CLEC10A: variants seen among roughly 807,000 people sequenced by gnomAD.
The protein encoded by CLEC10A is C-type lectin domain containing 10A.
A neutral mutation model predicts 42.0 loss-of-function variants in CLEC10A; 38 were observed. The ratio of observed to expected loss-of-function variants is 0.90; its 90% confidence interval spans 0.70 to 1.18. The LOEUF is 1.18. Ranked by LOEUF, CLEC10A falls within the 50% of genes most tolerant of loss-of-function variation. The pLI, the probability that CLEC10A is intolerant of heterozygous loss-of-function variation, is 0.00. For synonymous variants in CLEC10A, 126 were observed against 139.9 expected, an observed-to-expected ratio of 0.90 and a Z score of 0.70; for missense variants, 298 against 345.9, an observed-to-expected ratio of 0.86 and a Z score of 1.10.
Position 7,075,110 on chromosome 17 carries a change from G to T in CLEC10A, c.814C>A (p.Pro272Thr). The T allele has an allele frequency of 3.1e-6, 5 of 1,607,568 alleles. 1 individual carries two copies. In the Middle Eastern group the frequency reaches 6.7e-4, roughly 215 times the overall value. Reference protein sequence around the residue: ...GRWNDDVCQRPYHWVCEAGLG... With the variant: ...GRWNDDVCQRTYHWVCEAGLG... ...CCAGCCTCGCAGACCCAGTGGTAGG[G>T]CCTCTGGCAGACGTCGTCATTCCAC... Residue 272 changes from proline to threonine, a missense_variant, in exon 9 of 9, where the codon CCC becomes ACC. By Grantham distance (38) the Pro-to-Thr change is conservative. Around this residue, in one of 3 missense-constraint regions of CLEC10A, gnomAD observed 267 missense variants for 289.5 expected, o/e 0.92. Coordinates refer to ENST00000416562, the MANE Select transcript of CLEC10A (RefSeq NM_001330070.2).
intron 5 of CLEC10A, among the ~76,000 whole-genome samples, chr17:7,076,507 T>A (rs1911760619): frequency 6.6e-6 from 1 of 150,710 alleles, no homozygotes; most frequent in Non-Finnish European, 1.5e-5. Flanking sequence ...AGAGACGGGG[T>A]TTCACCATGT....
chr17:7,075,249 A>G lies in CLEC10A; in HGVS notation c.702-27T>C, dbSNP rs1911654601. ...TGAGAGGAAAAGACAACAGCAAGCT[A>G]GGAAGGGTAGATGGAGTAGAATTCA... On this transcript the variant is annotated intron_variant, in intron 8 of 8. Coordinates refer to ENST00000416562, the MANE Select transcript of CLEC10A (RefSeq NM_001330070.2). The G allele has an allele frequency of 3.3e-6, 5 of 1,516,856 alleles. No homozygotes were observed. The South Asian group carries it at 4.0e-5, about 12-fold the overall frequency. The allele number at this position is 1,516,856 out of a possible 1,614,324, so 94.0% of individuals were successfully genotyped here. A position where few individuals can be genotyped will look rare whatever the true frequency, so the allele number is the denominator to read the frequency against.
At position 7,075,742 on chromosome 17, in the gene CLEC10A, T is replaced by C. The variant is rs1180567788; in HGVS notation, c.583A>G (p.Arg195Gly). Residue 195 changes from arginine to glycine, a missense_variant, in exon 7 of 9, where the codon AGG becomes GGG. Transcript: ENST00000416562. The stretch of plus-strand genomic sequence containing the variant: ...CCAGAAGCCCTCACCTGCTCCTCCC[T>C]GGAGTTGATGACCACCAGGTGGGCG... ...KNAHLVVINS[R>G]EEQNFVQKYL... 1 of 1,614,106 alleles carries C rather than the reference T, an allele frequency of 6.2e-7. No individual in the cohort carries two copies. The highest frequency in any genetic ancestry group is 1.1e-5 in the South Asian group (1 of 91,096).
Position 7,078,040 on chromosome 17 carries a change from G to A in CLEC10A, c.141C>T (p.Leu47=), listed in dbSNP as rs766227084. The change falls in exon 3 of 9, where the codon CTC becomes CTT. Residue 47 remains leucine, a synonymous_variant. Coordinates refer to ENST00000416562, the MANE Select transcript of CLEC10A (RefSeq NM_001330070.2). ...GPCHLLLSLG[L]GLLLLVIICV... ...AGATGATGACCAGCAGCAGGAGGCCGAGGCCCAGGGACAGCAGGAGATGGC... is the reference window on the plus strand; with the variant it reads ...AGATGATGACCAGCAGCAGGAGGCCAAGGCCCAGGGACAGCAGGAGATGGC... The A allele has an allele frequency of 2.0e-5, 32 of 1,613,884 alleles. No individual in the cohort carries two copies. Among genetic ancestry groups the A allele is most frequent in the Admixed American group, 5.0e-5 (3 of 60,002 alleles).
intron 3 of CLEC10A, among the ~76,000 whole-genome samples, chr17:7,077,774 C>CCCTCTCCTCCCTT (rs1190789222): frequency 6.6e-6 from 1 of 151,720 alleles, no homozygotes; most frequent in Non-Finnish European, 1.5e-5. Flanking sequence ...TCCATCAGTG[C>CCCTCTCCTCCCTT]CCCATCAGTG....
chr17:7,074,757 G>A lies in CLEC10A; in HGVS notation c.*297C>T. ...AATGTTATCTATTGCGATCGGAGTGGTAGTCACCTAGGCATGCATATTTGT... is the reference window on the plus strand; with the variant it reads ...AATGTTATCTATTGCGATCGGAGTGATAGTCACCTAGGCATGCATATTTGT... On this transcript the variant is annotated 3_prime_UTR_variant, in exon 9 of 9. Coordinates refer to ENST00000416562, the MANE Select transcript of CLEC10A (RefSeq NM_001330070.2). 4.2e-6 allele frequency: 1 copy of A among 235,390 alleles called. No individual in the cohort carries two copies. Among genetic ancestry groups the A allele is most frequent in the East Asian group, 8.4e-5 (1 of 11,954 alleles). 14.6% of individuals were successfully genotyped at this position (235,390 alleles called of 1,614,324 possible).
Position 7,075,197 on chromosome 17 carries a change from C to G in CLEC10A, c.727G>C (p.Asp243His). 6.4e-7 allele frequency: 1 copy of G among 1,558,410 alleles called. No homozygotes were observed. The highest frequency in any genetic ancestry group is 8.7e-7 in the Non-Finnish European group (1 of 1,155,830). Reference sequence around the variant, plus strand: ...CCACCCAGCCCGTGCCCCTGCCAGTCGTCTGGCTGGCCTGGCTTCCAGTTC... The same window carrying G: ...CCACCCAGCCCGTGCCCCTGCCAGTGGTCTGGCTGGCCTGGCTTCCAGTTC... Reference protein sequence around the residue: ...FQNWKPGQPDDWQGHGLGGGE... With the variant: ...FQNWKPGQPDHWQGHGLGGGE... The change falls in exon 9 of 9, where the codon GAC becomes CAC. Residue 243 changes from aspartate to histidine, a missense_variant. Coordinates refer to ENST00000416562, the MANE Select transcript of CLEC10A (RefSeq NM_001330070.2).
Position 7,076,796 on chromosome 17 carries a change from A to T in CLEC10A, c.289T>A (p.Leu97Met). ...TTCAGAGATGCTATCGTTTCTTCCA[A>T]GCTGCTGCCTGGAGGACACGGAGAC... ...IQALTSQGSS[L>M]EETIASLKAE... The change falls in exon 5 of 9, where the codon TTG becomes ATG. Residue 97 changes from leucine to methionine, a missense_variant. Physicochemically the swap from Leu to Met is conservative, Grantham distance 15 (BLOSUM62 2). Transcript: ENST00000416562. 1 of 1,613,684 alleles carries T rather than the reference A, an allele frequency of 6.2e-7. No individual in the cohort carries two copies.
chr17:7,075,966 C>A lies in CLEC10A; in HGVS notation c.439+19G>T. 6.2e-7 allele frequency: 1 copy of A among 1,613,956 alleles called. No homozygotes were observed. The highest frequency in any genetic ancestry group is 8.5e-7 in the Non-Finnish European group (1 of 1,179,856). On this transcript the variant is annotated intron_variant, in intron 6 of 8. Transcript: ENST00000416562. ...ATGGGCAGAAAAGTAGGGCCAGGTA[C>A]TCCCCATACCTTCCTCACCATTGTT...
intron 1 of CLEC10A, 22 bp from the exon 2 acceptor site, chr17:7,078,907 C>T (rs1912019763): frequency 5.0e-6 from 6 of 1,189,906 alleles, no homozygotes; most frequent in South Asian, 1.2e-5. Context: ...GAGGTTGGGA[C>T]TAAGTTGGAG....
intron 1 of CLEC10A, 124 bp from the exon 2 acceptor site, chr17:7,079,009 G>C: frequency 1.6e-6 from 1 of 611,148 alleles, no homozygotes; most frequent in Non-Finnish European, 2.9e-6. Flanking sequence ...GTTTGCAGTC[G>C]AGTTAGAATT....
intron 5 of CLEC10A, among the ~76,000 whole-genome samples, chr17:7,076,374 G>A (rs1480906988): frequency 2.8e-5 from 4 of 144,696 alleles, no homozygotes; most frequent in African/African-American, 5.2e-5. Context: ...GCAATGGCGC[G>A]ATCTCGGCTC....
intron 8 of CLEC10A, 35 bp from the exon 9 acceptor site, chr17:7,075,257 T>C (rs1597357083): frequency 6.6e-7 from 1 of 1,508,862 alleles, no homozygotes. Context: ...CTAGGAAGGG[T>C]AGATGGAGTA....
Position 7,076,016 on chromosome 17 carries a change from C to T in CLEC10A, c.408G>A (p.Leu136=). ...VQQLVQDLKK[L]TCQVATLNNN... The stretch of plus-strand genomic sequence containing the variant: ...TGTTGAGAGTAGCCACCTGGCAGGT[C>T]AGTTTCTTCAGGTCTTGCACCAGCT... The change falls in exon 6 of 9, where the codon CTG becomes CTA. Residue 136 remains leucine (L), a synonymous_variant. Coordinates refer to ENST00000416562, the MANE Select transcript of CLEC10A (RefSeq NM_001330070.2). 1 of 1,614,232 alleles carries T rather than the reference C, an allele frequency of 6.2e-7. No homozygotes were observed. Among genetic ancestry groups the T allele is most frequent in the Non-Finnish European group, 8.5e-7 (1 of 1,180,030 alleles).
chr17:7,077,087 C>T (rs866026416), intron 3 of CLEC10A, 100 bp from the exon 4 acceptor site: 34 of 817,118 alleles, frequency 4.2e-5, no homozygotes, highest in South Asian at 5.6e-5. Context: ...TGGGTCCTCA[C>T]GGCAACCCAG....
At chr17:7,077,217 T>C (rs1911812361) in intron 3 of CLEC10A, among the ~76,000 whole-genome samples, 1 of 146,000 alleles carries the variant, frequency 6.8e-6, no homozygotes, top group African/African-American at 2.6e-5. Context: ...ATCCTGACTA[T>C]GGGTCCGTCA....
Position 7,075,357 on chromosome 17 carries a change from C to T in CLEC10A, c.701+3G>A, listed in dbSNP as rs1238332174. The T allele has an allele frequency of 5.9e-6, 9 of 1,514,342 alleles. No homozygotes were observed. The highest frequency in any genetic ancestry group is 2.8e-5 in the African/African-American group (2 of 71,562). The allele number at this position is 1,514,342 out of a possible 1,614,324, so 93.8% of individuals were successfully genotyped here. A position where few individuals can be genotyped will look rare whatever the true frequency, so the allele number is the denominator to read the frequency against. ...TTGGCACAGAAAGCCAGGGTGCACT[C>T]ACTGGAAGCCGGTCGCATAGTCTGT... On this transcript the variant is annotated splice_donor_region_variant and intron_variant, in intron 8 of 8. Transcript: ENST00000416562.
chr17:7,075,645 C>T, intron 7 of CLEC10A, 86 bp downstream of exon 7: 1 of 1,595,428 alleles, frequency 6.3e-7, no homozygotes, highest in South Asian at 1.1e-5. Flanking sequence ...CTGGAAGCTC[C>T]CAGATGATTC....
Position 7,074,684 on chromosome 17 carries a change from A to C in CLEC10A, c.*370T>G. The C allele has an allele frequency of 6.1e-6, 1 of 164,038 alleles. No homozygotes were observed. Among genetic ancestry groups the C allele is most frequent in the Non-Finnish European group, 1.3e-5 (1 of 76,316 alleles). The allele number at this position is 164,038 out of a possible 1,614,324, so 10.2% of individuals were successfully genotyped here. A position where few individuals can be genotyped will look rare whatever the true frequency, so the allele number is the denominator to read the frequency against. On this transcript the variant is annotated 3_prime_UTR_variant, in exon 9 of 9. Coordinates refer to ENST00000416562, the MANE Select transcript of CLEC10A (RefSeq NM_001330070.2). ...TAGATCACTGGCCTGGAAACAGGGA[A>C]GTGGTTGGACTGCCCAGAGGCATGA...
Sources: gnomAD v4.1 joint callset for allele counts (sites outside exome capture counted in the v4.1 genomes callset) on GRCh38, gnomAD v4.1.1 for gene constraint, gnomAD v4.1.1 regional missense constraint, MANE v1.5 for transcripts, NCBI Gene and HGNC (gene_info 2026-07-23, HGNC 2026-07-21) for gene names.